PDE8B: variants seen among roughly 807,000 people sequenced by gnomAD.
PDE8B encodes phosphodiesterase 8B.
A neutral mutation model predicts 101.3 loss-of-function variants in PDE8B; 26 were observed. The observed-to-expected ratio is 0.26, with a 90% CI of 0.19 to 0.36. PDE8B has a LOEUF of 0.36. Among genes scored for constraint, PDE8B ranks in the 10% least tolerant of loss-of-function variants. The probability of loss-of-function intolerance (pLI) is 1.00; values close to 1 mark genes in which losing one functional copy is unlikely to be tolerated. For synonymous variants in PDE8B, 424 were observed against 429.3 expected (o/e 0.99, Z 0.15); for missense variants, 810 against 1,163.1 (o/e 0.70, Z 4.42).
At chr5:77,402,701 T>A (rs1237741501) in intron 11 of PDE8B, among the ~76,000 whole-genome samples, 2 of 152,254 alleles carry the variant, frequency 1.3e-5, no homozygotes, top group Admixed American at 1.3e-4. Context: ...GCTATGCATA[T>A]ATTAACTCAC....
chr5:77,344,044 A>G (rs553577617), intron 6 of PDE8B, among the ~76,000 whole-genome samples: 119 of 152,294 alleles, frequency 7.8e-4, no homozygotes, highest in African/African-American at 2.8e-3. Context: ...GTCACCTTCT[A>G]TGATAACAAT....
chr5:77,203,517 G>GCT, the PDE8B span, among the ~76,000 whole-genome samples: 1 of 152,060 alleles, frequency 6.6e-6, no homozygotes, highest in Admixed American at 6.5e-5. Flanking sequence ...TGGCTGGCTG[G>GCT]GTGGATGGAT....
intron 13 of PDE8B, among the ~76,000 whole-genome samples, chr5:77,408,632 T>C (rs13186963): frequency 0.042 from 6,461 of 152,118 alleles, 184 homozygotes; most frequent in Middle Eastern, 0.085. Flanking sequence ...TCTGAGCAAC[T>C]CCAATCTGTA....
the PDE8B span, among the ~76,000 whole-genome samples, chr5:77,135,623 C>T: frequency 1.5e-4 from 23 of 151,934 alleles, no homozygotes; most frequent in Non-Finnish European, 2.4e-4. Context: ...ATTACAGGCA[C>T]GCGCCACCAT....
At position 77,334,354 on chromosome 5, in the gene PDE8B, C is replaced by T. The variant is rs181435489; in HGVS notation, c.709-2873C>T. ...GGCTCTGGAGCTATGTGTAAGCAGC[C>T]GACTATATAGATGCTAATTCCATGC... On this transcript the variant is annotated intron_variant, in intron 5 of 21. Coordinates refer to ENST00000264917, the MANE Select transcript of PDE8B (RefSeq NM_003719.5). Among the ~76,000 whole-genome samples, 6 of 152,280 alleles carry T rather than the reference C, an allele frequency of 3.9e-5. No homozygotes were observed. The East Asian group carries it at 5.8e-4, about 15-fold the overall frequency.
At chr5:77,246,217 T>G (rs1420995202) in intron 1 of PDE8B, among the ~76,000 whole-genome samples, 2 of 152,126 alleles carry the variant, frequency 1.3e-5, no homozygotes, top group African/African-American at 4.8e-5. Context: ...TTTAGGTCAT[T>G]TGATGGATTT....
intron 14 of PDE8B, 54 bp from the exon 15 acceptor site, chr5:77,411,620 AAG>A (rs1174413066): frequency 1.6e-5 from 23 of 1,405,826 alleles, no homozygotes; most frequent in Admixed American, 6.8e-5. Flanking sequence ...TAAAAAAAAA[AAG>A]AGAATGATAA....
intron 1 of PDE8B, among the ~76,000 whole-genome samples, chr5:77,243,853 A>C (rs1486894824): frequency 1.3e-5 from 2 of 152,156 alleles, no homozygotes; most frequent in African/African-American, 2.4e-5. Flanking sequence ...GTTATTTCTC[A>C]TGAGGAGATA....
intron 20 of PDE8B, among the ~76,000 whole-genome samples, chr5:77,425,522 C>T (rs534728511): frequency 6.2e-4 from 95 of 152,268 alleles, no homozygotes; most frequent in African/African-American, 2.2e-3. Context: ...CACTGTACTA[C>T]AGCTTGGGCA....
intron 1 of PDE8B, among the ~76,000 whole-genome samples, chr5:77,280,037 C>T (rs1486060193): frequency 6.6e-6 from 1 of 152,242 alleles, no homozygotes; most frequent in East Asian, 1.9e-4. Flanking sequence ...CCAGCATACA[C>T]CCCACCTCTG....
chr5:77,254,573 T>C (rs938745902), intron 1 of PDE8B, among the ~76,000 whole-genome samples: 2 of 152,226 alleles, frequency 1.3e-5, no homozygotes, highest in African/African-American at 4.8e-5. Context: ...GGCTGATCTT[T>C]CAGGCTTTGT....
intron 20 of PDE8B, among the ~76,000 whole-genome samples, chr5:77,424,838 T>A (rs951886852): frequency 6.6e-6 from 1 of 151,460 alleles, no homozygotes; most frequent in African/African-American, 2.4e-5. Flanking sequence ...TTTTTGTTTT[T>A]AATGTGAGAC....
chr5:77,373,229 T>A (rs893424378), intron 10 of PDE8B, among the ~76,000 whole-genome samples: 2 of 152,216 alleles, frequency 1.3e-5, no homozygotes, highest in African/African-American at 2.4e-5. Flanking sequence ...TTATCCTTAT[T>A]ATTTCCTGCA....
chr5:77,138,209 C>T, the PDE8B span, among the ~76,000 whole-genome samples: 25,503 of 151,826 alleles, frequency 0.17, 2,648 homozygotes, highest in East Asian at 0.45. Flanking sequence ...ATTTGGAGTC[C>T]GGGGGGTGGC....
At chr5:77,123,365 G>GC in the PDE8B span, among the ~76,000 whole-genome samples, 1 of 85,774 alleles carries the variant, frequency 1.2e-5, no homozygotes, top group South Asian at 4.6e-4. Flanking sequence ...CTCCCCCACC[G>GC]CCCCCCGCTT....
chr5:77,215,151 ACT>A (rs766356986), intron 1 of PDE8B, among the ~76,000 whole-genome samples: 1 of 151,814 alleles, frequency 6.6e-6, no homozygotes, highest in Non-Finnish European at 1.5e-5. Context: ...CATGTAACCA[ACT>A]CTGGTTTCTT....
the PDE8B span, among the ~76,000 whole-genome samples, chr5:77,171,331 G>A: frequency 1.3e-5 from 2 of 152,196 alleles, no homozygotes; most frequent in African/African-American, 4.8e-5. Flanking sequence ...ATGGATGTCA[G>A]TCTCACAGCA....
At chr5:77,170,064 G>C in the PDE8B span, among the ~76,000 whole-genome samples, 1 of 152,198 alleles carries the variant, frequency 6.6e-6, no homozygotes, top group Non-Finnish European at 1.5e-5. Context: ...CCTGAGACCT[G>C]AACTAGGGTC....
chr5:77,423,462 A>G (rs942719323), intron 20 of PDE8B, among the ~76,000 whole-genome samples: 1 of 151,774 alleles, frequency 6.6e-6, no homozygotes, highest in Admixed American at 6.6e-5. Flanking sequence ...GGGCTAGCTG[A>G]TCTAATTTAT....
Sources: allele counts gnomAD v4.1 joint callset (sites outside exome capture counted in the v4.1 genomes callset), GRCh38; gene constraint gnomAD v4.1.1; transcripts MANE v1.5; gene names NCBI Gene and HGNC (gene_info 2026-07-23, HGNC 2026-07-21).